The following TMEM108 variants were observed in gnomAD, a reference collection of about 807,000 sequenced individuals.
TMEM108 encodes the protein transmembrane protein 108.
In TMEM108, 12 loss-of-function variants were observed where a neutral mutation model predicts 35.1. The observed-to-expected ratio is 0.34, with a 90% CI of 0.22 to 0.55. TMEM108 has a LOEUF of 0.55. Among genes scored for constraint, TMEM108 ranks in the 20% least tolerant of loss-of-function variants. The pLI is 0.89. For synonymous variants in TMEM108, 287 were observed against 308.6 expected, an observed-to-expected ratio of 0.93 and a Z score of 0.73; for missense variants, 680 against 753.3, an observed-to-expected ratio of 0.90 and a Z score of 1.14.
intron 2 of TMEM108, among the ~76,000 whole-genome samples, chr3:133,158,876 C>T (rs1944920127): frequency 6.6e-6 from 1 of 152,258 alleles, no homozygotes; most frequent in South Asian, 2.1e-4. Flanking sequence ...TACTGTCATC[C>T]AGCTGCCAAT....
chr3:133,041,817 G>A (rs1229965378), intron 1 of TMEM108: 1 of 152,158 alleles, frequency 6.6e-6, no homozygotes, highest in East Asian at 1.9e-4. Flanking sequence ...ATGGGACTAT[G>A]GAAATATACA....
At chr3:133,295,845 G>A (rs1430426733) in intron 3 of TMEM108, among the ~76,000 whole-genome samples, 2 of 152,116 alleles carry the variant, frequency 1.3e-5, no homozygotes, top group Non-Finnish European at 2.9e-5. Flanking sequence ...AGCTGGGCCC[G>A]CTGAAGAAAA....
At chr3:133,231,233 AATAT>A (rs1946148995) in intron 3 of TMEM108, among the ~76,000 whole-genome samples, 1 of 152,142 alleles carries the variant, frequency 6.6e-6, no homozygotes, top group Non-Finnish European at 1.5e-5. Flanking sequence ...TCATGATAAA[AATAT>A]ATATATTTTT....
chr3:133,135,240 G>T (rs963225636), intron 2 of TMEM108, among the ~76,000 whole-genome samples: 2 of 150,008 alleles, frequency 1.3e-5, no homozygotes, highest in Non-Finnish European at 2.9e-5. Context: ...AGCAAACTCC[G>T]TAATAGACAT....
rs762958345 is a variant in TMEM108, at chr3:133,264,729, TA to T, written c.40+35383del. 5.9e-5 allele frequency among the ~76,000 whole-genome samples: 9 copies of T among 152,100 alleles called. No individual in the cohort carries two copies. In the South Asian group the frequency reaches 1.9e-3, roughly 32 times the overall value. ...TCATGAATATGCAAAGCACTTACCA[TA>T]AAAAGAACAGGGTTTGAAGGTCATT... On this transcript the variant is annotated intron_variant, in intron 3 of 5. Transcript: ENST00000321871.
intron 2 of TMEM108, among the ~76,000 whole-genome samples, chr3:133,215,495 AT>A (rs138451846): frequency 0.024 from 3,670 of 152,096 alleles, 143 homozygotes; most frequent in African/African-American, 0.082. Context: ...ATTGACTGAA[AT>A]TTTTTGCCAC....
At chr3:133,334,880 G>A (rs2071462899) in intron 3 of TMEM108, among the ~76,000 whole-genome samples, 1 of 152,130 alleles carries the variant, frequency 6.6e-6, no homozygotes, top group Non-Finnish European at 1.5e-5. Context: ...CATTTTTGCT[G>A]GTAGTTGTTT....
intron 4 of TMEM108, among the ~76,000 whole-genome samples, chr3:133,382,761 C>A (rs2073046786): frequency 6.6e-6 from 1 of 152,186 alleles, no homozygotes; most frequent in South Asian, 2.1e-4. Flanking sequence ...GAGGTTTATG[C>A]CTTTAATGCG....
At chr3:133,124,288 A>G (rs942468037) in intron 2 of TMEM108, among the ~76,000 whole-genome samples, 1 of 152,246 alleles carries the variant, frequency 6.6e-6, no homozygotes, top group South Asian at 2.1e-4. Flanking sequence ...CCAGCCTGTT[A>G]AATAAAAACC....
intron 3 of TMEM108, among the ~76,000 whole-genome samples, chr3:133,288,640 G>A (rs889106634): frequency 6.6e-6 from 1 of 152,170 alleles, no homozygotes; most frequent in African/African-American, 2.4e-5. Flanking sequence ...TGCAGAGGAG[G>A]CATTGAGTGT....
chr3:133,095,511 A>G (rs75572884), intron 2 of TMEM108, among the ~76,000 whole-genome samples: 4,674 of 152,162 alleles, frequency 0.031, 130 homozygotes, highest in South Asian at 0.064. Flanking sequence ...GTAATATATA[A>G]TGAAATATTA....
In TMEM108 at chr3:133,248,523, C is replaced by T. The variant is rs374271039; in HGVS notation, c.40+19172C>T. 387 of 152,288 alleles carry T rather than the reference C, an allele frequency of 2.5e-3. 1 individual carries two copies. The highest frequency in any genetic ancestry group is 8.8e-3 in the African/African-American group (367 of 41,558). 9.4% of individuals were successfully genotyped at this position (152,288 alleles called of 1,614,324 possible). On this transcript the variant is annotated intron_variant, in intron 3 of 5. Transcript: ENST00000321871. ...TATAACTTCAGCCAGTGAACTGCTCCAGCCTTTCCCTTGCAGTATGCTTTA... is the reference window on the plus strand; with the variant it reads ...TATAACTTCAGCCAGTGAACTGCTCTAGCCTTTCCCTTGCAGTATGCTTTA...
intron 2 of TMEM108, among the ~76,000 whole-genome samples, chr3:133,083,878 A>T (rs1943846898): frequency 1.1e-5 from 1 of 90,462 alleles, no homozygotes; most frequent in Non-Finnish European, 3.1e-5. Context: ...AGATAAAGTA[A>T]AAAAAAAAGG....
chr3:133,389,690 A>G (rs1354588980), intron 4 of TMEM108: 1 of 136,606 alleles, frequency 7.3e-6, no homozygotes, highest in East Asian at 2.0e-4. Flanking sequence ...CATCAAAAAA[A>G]AAAAAAAAAA....
intron 3 of TMEM108, among the ~76,000 whole-genome samples, chr3:133,239,393 T>G (rs1019535958): frequency 6.6e-6 from 1 of 152,184 alleles, no homozygotes. Flanking sequence ...TGATTAGTGT[T>G]TCCCAAATCT....
At chr3:133,072,379 A>G (rs1434046505) in intron 2 of TMEM108, among the ~76,000 whole-genome samples, 1 of 152,134 alleles carries the variant, frequency 6.6e-6, no homozygotes, top group African/African-American at 2.4e-5. Flanking sequence ...AGAATGGGTT[A>G]TTCTCTGTTT....
chr3:133,050,264 T>G (rs1334739007), intron 2 of TMEM108, among the ~76,000 whole-genome samples: 1 of 152,168 alleles, frequency 6.6e-6, no homozygotes, highest in African/African-American at 2.4e-5. Context: ...ACCCTGCTGT[T>G]TTTCTTTTGA....
At chr3:133,325,130 C>T (rs916763309) in intron 3 of TMEM108, among the ~76,000 whole-genome samples, 3 of 152,006 alleles carry the variant, frequency 2.0e-5, no homozygotes, top group Non-Finnish European at 4.4e-5. Context: ...TATATGTACA[C>T]CATGGAGAGC....
intron 3 of TMEM108, among the ~76,000 whole-genome samples, chr3:133,273,218 G>T (rs905563224): frequency 5.3e-5 from 8 of 152,132 alleles, no homozygotes; most frequent in Non-Finnish European, 1.0e-4. Flanking sequence ...TCTTAAAAGA[G>T]ACTTAAAGGT....
Sources: allele counts gnomAD v4.1 joint callset (sites outside exome capture counted in the v4.1 genomes callset), GRCh38; gene constraint gnomAD v4.1.1; transcripts MANE v1.5; gene names NCBI Gene and HGNC (gene_info 2026-07-23, HGNC 2026-07-21).